The following FAM53B variants were observed in gnomAD, a reference collection of about 807,000 sequenced individuals.
FAM53B encodes the protein protein FAM53B.
A neutral mutation model predicts 32.7 loss-of-function variants in FAM53B; 12 were observed. The ratio of observed to expected loss-of-function variants is 0.37; its 90% CI spans 0.24 to 0.59. The LOEUF is 0.59. Ranked by LOEUF, FAM53B falls within the 20% of genes least tolerant of loss-of-function variation. The pLI, the probability that FAM53B is intolerant of heterozygous loss-of-function variation, is 0.72. For missense variants in FAM53B, 477 were observed against 577.7 expected (o/e 0.83, Z 1.79); for synonymous variants, 234 against 228.7 (o/e 1.02, Z -0.21).
chr10:124,710,944 C>T (rs1017191967), intron 1 of FAM53B, among the ~76,000 whole-genome samples: 1 of 152,232 alleles, frequency 6.6e-6, no homozygotes, highest in African/African-American at 2.4e-5. Flanking sequence ...CCCATTCAAA[C>T]AACTACCAGC....
chr10:124,720,290 T>C (rs1234210494), intron 1 of FAM53B, among the ~76,000 whole-genome samples: 1 of 137,526 alleles, frequency 7.3e-6, no homozygotes, highest in Non-Finnish European at 1.6e-5. Context: ...GGCAATATAG[T>C]GAGACCTCGT....
intron 4 of FAM53B, among the ~76,000 whole-genome samples, chr10:124,649,433 A>C (rs1165746267): frequency 6.6e-6 from 1 of 152,146 alleles, no homozygotes; most frequent in African/African-American, 2.4e-5. Flanking sequence ...CCAGGCAACA[A>C]AGCCATGGTG....
At chr10:124,712,203 A>G (rs868294109) in intron 1 of FAM53B, among the ~76,000 whole-genome samples, 34 of 152,164 alleles carry the variant, frequency 2.2e-4, no homozygotes, top group Non-Finnish European at 3.1e-4. Flanking sequence ...AAAAAATGCA[A>G]AAATTAGCTT....
intron 4 of FAM53B, among the ~76,000 whole-genome samples, chr10:124,630,585 C>A (rs1949384596): frequency 6.6e-6 from 1 of 152,168 alleles, no homozygotes; most frequent in South Asian, 2.1e-4. Context: ...GTTGCCAGGG[C>A]CTGAAAATAG....
chr10:124,625,335 G>A (rs184465198), intron 4 of FAM53B, among the ~76,000 whole-genome samples: 9 of 152,306 alleles, frequency 5.9e-5, no homozygotes, highest in Admixed American at 4.6e-4. Context: ...TGAGGTGTTG[G>A]GGGGAGCTCT....
chr10:124,730,964 C>A (rs1036820810), intron 1 of FAM53B, among the ~76,000 whole-genome samples: 1 of 152,162 alleles, frequency 6.6e-6, no homozygotes, highest in Non-Finnish European at 1.5e-5. Flanking sequence ...CCTACACAAA[C>A]GGATGTGGCT....
Position 124,706,679 on chromosome 10 carries a change from C to T in FAM53B, c.35G>A (p.Arg12Gln), listed in dbSNP as rs760911476. ...CCCACATGCAATGGAGTCAGCTCCC[C>T]GGGTGCTGAGGCTTTCACTTAGGAC... ...VMVLSESLST[R>Q]GADSIACGTF... The change falls in exon 2 of 5, where the codon CGG becomes CAG. Residue 12 changes from arginine to glutamine, a missense_variant. Physicochemically the swap from Arg to Gln is conservative, Grantham distance 43. This residue lies in a region of FAM53B where 312 missense variants were observed against 420.2 expected (regional missense o/e 0.74). Transcript: ENST00000337318. 37 of 1,614,004 alleles carry T rather than the reference C, an allele frequency of 2.3e-5. No individual in the cohort carries two copies. Among genetic ancestry groups the T allele is most frequent in the East Asian group, 4.5e-5 (2 of 44,886 alleles).
At position 124,669,477 on chromosome 10, in the gene FAM53B, G is replaced by A. The variant is rs543973744; in HGVS notation, c.906+12130C>T. Among the ~76,000 whole-genome samples, 108 of 152,330 alleles carry A rather than the reference G, an allele frequency of 7.1e-4. 3 individuals are homozygous for A. In the South Asian group the frequency reaches 0.022, roughly 31 times the overall value. On this transcript the variant is annotated intron_variant, in intron 4 of 4. Coordinates refer to ENST00000337318, the MANE Select transcript of FAM53B (RefSeq NM_014661.4). ...TCAAGGGCTGGGAGGAGAAGTCAGG[G>A]CCACCGGGGATTCACTGATCCATCA... is the stretch of plus-strand genomic sequence containing the variant.
intron 4 of FAM53B, among the ~76,000 whole-genome samples, chr10:124,669,054 G>A (rs1949691082): frequency 6.6e-6 from 1 of 152,218 alleles, no homozygotes; most frequent in Non-Finnish European, 1.5e-5. Context: ...GGCTGGCTTG[G>A]ACCTCCTCCC....
At chr10:124,665,917 C>T (rs930453035) in intron 4 of FAM53B, among the ~76,000 whole-genome samples, 6 of 114,282 alleles carry the variant, frequency 5.3e-5, no homozygotes, top group Non-Finnish European at 9.3e-5. Context: ...GGCTTATAGT[C>T]GGCTACGTAG....
intron 3 of FAM53B, among the ~76,000 whole-genome samples, chr10:124,684,542 C>T (rs1949791411): frequency 6.6e-6 from 1 of 152,106 alleles, no homozygotes; most frequent in Non-Finnish European, 1.5e-5. Flanking sequence ...TTTTTTGAGA[C>T]AGGACCTGCC....
chr10:124,743,662 A>G (rs1242174908), intron 1 of FAM53B, among the ~76,000 whole-genome samples: 1 of 151,538 alleles, frequency 6.6e-6, no homozygotes, highest in Non-Finnish European at 1.5e-5. Flanking sequence ...CGCGGAGAGG[A>G]CACCCCCGGG....
At chr10:124,689,470 C>T (rs1293622070) in intron 3 of FAM53B, among the ~76,000 whole-genome samples, 1 of 152,214 alleles carries the variant, frequency 6.6e-6, no homozygotes, top group Non-Finnish European at 1.5e-5. Context: ...CCTGCCCACG[C>T]ACCTGGGATG....
At chr10:124,704,758 T>C (rs1410487302) in intron 2 of FAM53B, among the ~76,000 whole-genome samples, 1 of 152,116 alleles carries the variant, frequency 6.6e-6, no homozygotes, top group Non-Finnish European at 1.5e-5. Context: ...GTAAAGCCAG[T>C]GGAAGCTGCT....
At chr10:124,640,635 A>C (rs1299136157) in intron 4 of FAM53B, among the ~76,000 whole-genome samples, 2 of 152,124 alleles carry the variant, frequency 1.3e-5, no homozygotes, top group Non-Finnish European at 2.9e-5. Context: ...TGGCAGAGCT[A>C]ATGTTTACTA....
At chr10:124,643,411 C>T (rs1438795555) in intron 4 of FAM53B, among the ~76,000 whole-genome samples, 5 of 152,250 alleles carry the variant, frequency 3.3e-5, no homozygotes, top group East Asian at 1.9e-4. Flanking sequence ...GGTTTCTCGG[C>T]GCGGTGATTG....
chr10:124,691,771 G>A (rs1022606943), intron 3 of FAM53B, among the ~76,000 whole-genome samples: 1 of 152,228 alleles, frequency 6.6e-6, no homozygotes, highest in Non-Finnish European at 1.5e-5. Context: ...TAGTACACGT[G>A]TGACCCTGGG....
chr10:124,717,258 C>CT (rs1950043217), intron 1 of FAM53B, among the ~76,000 whole-genome samples: 1 of 152,210 alleles, frequency 6.6e-6, no homozygotes, highest in African/African-American at 2.4e-5. Context: ...TAGTGAGACT[C>CT]TAACTGTAGT....
At chr10:124,660,501 C>T (rs1037791984) in intron 4 of FAM53B, among the ~76,000 whole-genome samples, 15 of 152,256 alleles carry the variant, frequency 9.9e-5, no homozygotes, top group African/African-American at 2.9e-4. Context: ...GCACTAAGTG[C>T]CCCTTTCCCA....
Sources: allele counts gnomAD v4.1 joint callset (sites outside exome capture counted in the v4.1 genomes callset), GRCh38; gene constraint gnomAD v4.1.1; regional missense constraint gnomAD v4.1.1; transcripts MANE v1.5; gene names NCBI Gene and HGNC (gene_info 2026-07-23, HGNC 2026-07-21).